The following NEBL variants were observed in gnomAD, a reference collection of about 807,000 sequenced individuals.
NEBL encodes LIM and SH3 protein 2.
A neutral mutation model predicts 140.2 loss-of-function variants in NEBL; 122 were observed. The observed-to-expected ratio is 0.87, with a 90% confidence interval of 0.75 to 1.01. The LOEUF is 1.01. Among genes scored for constraint, NEBL ranks in the 50% least tolerant of loss-of-function variants. NEBL has a pLI of 0.00. For synonymous variants in NEBL, 436 were observed against 398.9 expected, an observed-to-expected ratio of 1.09 and a Z score of -1.11; for missense variants, 1,365 against 1,231.3, an observed-to-expected ratio of 1.11 and a Z score of -1.62.
chr10:21,146,239 C>T, intron 2 of NEBL: 1 of 898,544 alleles, frequency 1.1e-6, no homozygotes, highest in Non-Finnish European at 1.7e-6. Flanking sequence ...CTCCGTTCAC[C>T]CCTCTTACAG....
intron 4 of NEBL, among the ~76,000 whole-genome samples, chr10:20,952,985 CTTATA>C (rs1835576518): frequency 6.6e-6 from 1 of 150,938 alleles, no homozygotes; most frequent in South Asian, 2.1e-4. Flanking sequence ...ATGATAGCAG[CTTATA>C]TTATAATTAT....
At chr10:20,822,644 A>G (rs1381335857) in intron 19 of NEBL, among the ~76,000 whole-genome samples, 4 of 150,508 alleles carry the variant, frequency 2.7e-5, no homozygotes, top group Middle Eastern at 3.6e-3. Flanking sequence ...AGACTATCTA[A>G]TATAGGCTAT....
chr10:21,172,561 C>T (rs986777377), intron 1 of NEBL: 5 of 910,182 alleles, frequency 5.5e-6, no homozygotes, highest in African/African-American at 5.0e-5. Flanking sequence ...CTTTTTAGTG[C>T]ATCACAGTCC....
intron 26 of NEBL, among the ~76,000 whole-genome samples, chr10:20,789,981 A>G (rs1374294260): frequency 6.6e-6 from 1 of 151,308 alleles, no homozygotes; most frequent in African/African-American, 2.4e-5. Flanking sequence ...ACACACACAC[A>G]TACAAGTTAT....
chr10:20,947,183 G>C (rs1296528399), intron 4 of NEBL, among the ~76,000 whole-genome samples: 1 of 152,186 alleles, frequency 6.6e-6, no homozygotes, highest in Non-Finnish European at 1.5e-5. Context: ...GTTTCAAAGA[G>C]TCATATGTCG....
intron 17 of NEBL, among the ~76,000 whole-genome samples, chr10:20,827,170 CAG>C (rs1839959685): frequency 6.6e-6 from 1 of 152,150 alleles, no homozygotes; most frequent in African/African-American, 2.4e-5. Flanking sequence ...TGCAGAAAAA[CAG>C]AGTAATTATA....
intron 2 of NEBL, among the ~76,000 whole-genome samples, chr10:21,115,499 A>G (rs116837617): frequency 0.021 from 3,213 of 151,136 alleles, 82 homozygotes; most frequent in African/African-American, 0.058. Context: ...TCTATTCTTT[A>G]ATTTTTTTTT....
chr10:21,251,836 G>A (rs1246049128), intron 1 of NEBL, among the ~76,000 whole-genome samples: 1 of 152,130 alleles, frequency 6.6e-6, no homozygotes, highest in East Asian at 1.9e-4. Flanking sequence ...GAACTGTGAG[G>A]AATAAATTTC....
intron 2 of NEBL, among the ~76,000 whole-genome samples, chr10:21,150,767 T>C (rs1462137177): frequency 6.6e-6 from 1 of 152,188 alleles, no homozygotes; most frequent in Non-Finnish European, 1.5e-5. Context: ...TGTTATGGCA[T>C]TTATTATGAG....
chr10:21,184,781 G>A lies in NEBL; in HGVS notation n.349-12304C>T, dbSNP rs192934033. On this transcript the variant is annotated intron_variant and non_coding_transcript_variant, in intron 3 of 8. Coordinates refer to the NEBL transcript ENST00000675702. ...AGATGTTTCTGATACTTTGTTAAGC[G>A]AAAAAGGTTATAAAAACATTTGTTC... is the stretch of plus-strand genomic sequence containing the variant. 2.1e-3 allele frequency among the ~76,000 whole-genome samples: 326 copies of A among 152,240 alleles called. 2 individuals carry two copies. The highest frequency in any genetic ancestry group is 7.1e-3 in the African/African-American group (293 of 41,542).
At chr10:20,863,100 C>G (rs1408431694) in intron 7 of NEBL, among the ~76,000 whole-genome samples, 1 of 152,076 alleles carries the variant, frequency 6.6e-6, no homozygotes, top group Non-Finnish European at 1.5e-5. Context: ...GGAGAAAACA[C>G]GGATACTGTT....
At chr10:21,163,241 G>C (rs546263873) in intron 2 of NEBL, among the ~76,000 whole-genome samples, 2 of 152,320 alleles carry the variant, frequency 1.3e-5, no homozygotes, top group African/African-American at 4.8e-5. Context: ...GCCATCACAG[G>C]TGTTTGAGCA....
intron 2 of NEBL, chr10:21,146,525 C>T (rs375032381): frequency 6.3e-6 from 10 of 1,597,784 alleles, no homozygotes; most frequent in Middle Eastern, 3.3e-4. Flanking sequence ...CCTGCATTAT[C>T]AGAAAATGGT....
intron 2 of NEBL, among the ~76,000 whole-genome samples, chr10:21,028,472 A>T (rs79062092): frequency 0.021 from 3,222 of 152,250 alleles, 121 homozygotes; most frequent in African/African-American, 0.073. Context: ...GCACAGGCAC[A>T]CACACAAACA....
At chr10:21,189,794 A>G (rs1002017032) in intron 3 of NEBL, among the ~76,000 whole-genome samples, 2 of 152,128 alleles carry the variant, frequency 1.3e-5, no homozygotes, top group African/African-American at 4.8e-5. Flanking sequence ...AAGCAACCAC[A>G]TTTACGGTAA....
At chr10:20,915,673 G>A (rs1359603080) in intron 4 of NEBL, among the ~76,000 whole-genome samples, 1 of 151,852 alleles carries the variant, frequency 6.6e-6, no homozygotes, top group East Asian at 1.9e-4. Context: ...CATTTGGGTT[G>A]GTTCCAAGTC....
rs527314572 is a variant in NEBL at position 21,130,938 on chromosome 10, A to T, written c.164+41445T>A. On this transcript the variant is annotated intron_variant, in intron 2 of 6. Coordinates refer to the NEBL transcript ENST00000417816. ...AAGCAGGGACTCCATACAGAAAAAA[A>T]TGTCAATGAAACCAAAAACTGGTCC... is the stretch of plus-strand genomic sequence containing the variant. Among the ~76,000 whole-genome samples the T allele has an allele frequency of 9.1e-4, 139 of 152,184 alleles. 1 individual carries two copies. Among genetic ancestry groups the T allele is most frequent in the African/African-American group, 3.0e-3 (123 of 41,580 alleles).
chr10:20,840,924 T>C (rs1313354594), intron 12 of NEBL, 75 bp from the exon 13 acceptor site: 9 of 854,592 alleles, frequency 1.1e-5, no homozygotes, highest in Non-Finnish European at 1.3e-5. Context: ...ACATGTTTTC[T>C]AGAGATCACA....
intron 3 of NEBL, among the ~76,000 whole-genome samples, chr10:21,239,481 T>C (rs901639637): frequency 2.0e-5 from 3 of 152,086 alleles, no homozygotes; most frequent in African/African-American, 7.2e-5. Context: ...TGCCTTAGTC[T>C]TTTCCAGTCC....
Sources: allele counts gnomAD v4.1 joint callset (sites outside exome capture counted in the v4.1 genomes callset), GRCh38; gene constraint gnomAD v4.1.1; transcripts MANE v1.5; gene names NCBI Gene and HGNC (gene_info 2026-07-23, HGNC 2026-07-21).